ST3GAL3: variants seen among roughly 807,000 people sequenced by gnomAD.
ST3GAL3 encodes CMP-N-acetylneuraminate-beta-1,4-galactoside alpha-2,3-sialyltransferase.
A neutral mutation model predicts 50.1 loss-of-function variants in ST3GAL3; 21 were observed. The observed-to-expected ratio is 0.42, with a 90% CI of 0.30 to 0.60. ST3GAL3 has a LOEUF of 0.60. Among genes scored for constraint, ST3GAL3 ranks in the 20% least tolerant of loss-of-function variants. The pLI is 0.19. For missense variants in ST3GAL3, 353 were observed against 489.4 expected (o/e 0.72, Z 2.63); for synonymous variants, 183 against 190.0 (o/e 0.96, Z 0.30).
At chr1:43,818,085 AGCC>A (rs2061642927) in intron 4 of ST3GAL3, among the ~76,000 whole-genome samples, 2 of 152,060 alleles carry the variant, frequency 1.3e-5, no homozygotes, top group Admixed American at 6.6e-5. Context: ...AAAAATTTTC[AGCC>A]ATTATCTCTT....
In ST3GAL3 at chr1:43,728,250, T is replaced by A. The variant is rs138735191; in HGVS notation, c.-30-7983T>A. On this transcript the variant is annotated intron_variant, in intron 1 of 11. Coordinates refer to ENST00000347631, the MANE Select transcript of ST3GAL3 (RefSeq NM_006279.5). ...CCTGCTTCTTGTTAGTGGAGAATAG[T>A]ATTTCAAAACCAAGATCTACGGAGG... Among the ~76,000 whole-genome samples, 1,022 of 152,246 alleles carry A rather than the reference T, an allele frequency of 6.7e-3. 3 individuals carry two copies. The highest frequency in any genetic ancestry group is 0.011 in the Non-Finnish European group (726 of 68,022).
intron 11 of ST3GAL3, among the ~76,000 whole-genome samples, chr1:43,925,888 G>A (rs1016002543): frequency 3.3e-5 from 5 of 152,226 alleles, no homozygotes; most frequent in Admixed American, 6.5e-5. Flanking sequence ...AGAGGTGGCC[G>A]TCGGATGTAG....
At chr1:43,813,352 C>G (rs1290608119) in intron 3 of ST3GAL3, among the ~76,000 whole-genome samples, 2 of 152,210 alleles carry the variant, frequency 1.3e-5, no homozygotes, top group Non-Finnish European at 2.9e-5. Context: ...AACTTTGACA[C>G]TAACTCTTTG....
intron 5 of ST3GAL3, among the ~76,000 whole-genome samples, chr1:43,883,550 C>T (rs1040778870): frequency 2.0e-5 from 3 of 152,254 alleles, no homozygotes; most frequent in African/African-American, 7.2e-5. Flanking sequence ...TGCTGATGCA[C>T]GCCCTGCCTG....
chr1:43,845,010 C>T (rs2066004931), intron 5 of ST3GAL3, among the ~76,000 whole-genome samples: 1 of 152,060 alleles, frequency 6.6e-6, no homozygotes, highest in African/African-American at 2.4e-5. Flanking sequence ...CTTTTTGAGA[C>T]ATAGTTTCTG....
At chr1:43,755,292 A>G (rs1299488664) in intron 2 of ST3GAL3, among the ~76,000 whole-genome samples, 1 of 152,226 alleles carries the variant, frequency 6.6e-6, no homozygotes, top group Non-Finnish European at 1.5e-5. Context: ...AAAATATTCA[A>G]ATTAAAATAA....
chr1:43,822,391 G>A (rs2062217894), intron 4 of ST3GAL3, among the ~76,000 whole-genome samples: 1 of 152,206 alleles, frequency 6.6e-6, no homozygotes. Flanking sequence ...CCTGTCTGCT[G>A]CCACAGTGTG....
chr1:43,759,212 G>A (rs942147949), intron 2 of ST3GAL3, among the ~76,000 whole-genome samples: 8 of 151,498 alleles, frequency 5.3e-5, no homozygotes, highest in Non-Finnish European at 7.4e-5. Flanking sequence ...TTGGGAGGCC[G>A]AGGCAGGTGG....
rs754634345 is a variant in ST3GAL3, at chr1:43,736,127, C to CT, written c.-30-105dup. On this transcript the variant is annotated intron_variant, in intron 1 of 11. Transcript: ENST00000347631. The stretch of plus-strand genomic sequence containing the variant: ...ATGCCATGATATGAAAGTGATAACT[C>CT]TAAGTTATTCTTCATTTGGAAATTC... 269 of 1,110,958 alleles carry CT rather than the reference C, an allele frequency of 2.4e-4. 2 individuals are homozygous for CT. Among genetic ancestry groups the CT allele is most frequent in the East Asian group, 1.9e-3 (80 of 41,542 alleles). The allele number at this position is 1,110,958 out of a possible 1,614,324, so 68.8% of individuals were successfully genotyped here. A position where few individuals can be genotyped will look rare whatever the true frequency, so the allele number is the denominator to read the frequency against.
At chr1:43,847,123 A>G (rs2066386803) in intron 5 of ST3GAL3, among the ~76,000 whole-genome samples, 1 of 152,258 alleles carries the variant, frequency 6.6e-6, no homozygotes, top group South Asian at 2.1e-4. Context: ...TTAGGATACT[A>G]TGGCTATTAT....
At chr1:43,718,185 C>CTTTTTTTTTT (rs57506461) in intron 1 of ST3GAL3, among the ~76,000 whole-genome samples, 2 of 83,378 alleles carry the variant, frequency 2.4e-5, no homozygotes, top group Non-Finnish European at 4.3e-5. Flanking sequence ...ATCATTAAAT[C>CTTTTTTTTTT]TTTTTTTTTT....
chr1:43,736,030 T>C (rs1678261951), intron 1 of ST3GAL3, among the ~76,000 whole-genome samples: 2 of 152,182 alleles, frequency 1.3e-5, no homozygotes, highest in Admixed American at 1.3e-4. Flanking sequence ...GCAAAGATGA[T>C]TGCTGCTTTC....
chr1:43,854,819 C>A (rs1420330924), intron 5 of ST3GAL3, among the ~76,000 whole-genome samples: 1 of 152,172 alleles, frequency 6.6e-6, no homozygotes, highest in East Asian at 1.9e-4. Context: ...GGGAGTAATT[C>A]TTTTCCCTTC....
chr1:43,861,807 T>A (rs934391492), intron 5 of ST3GAL3, among the ~76,000 whole-genome samples: 6 of 152,298 alleles, frequency 3.9e-5, no homozygotes, highest in Middle Eastern at 6.8e-3. Flanking sequence ...GGCAGGCGGA[T>A]CACCTGAAGT....
chr1:43,822,622 A>C (rs959631858), intron 4 of ST3GAL3, among the ~76,000 whole-genome samples: 2 of 152,180 alleles, frequency 1.3e-5, no homozygotes, highest in Non-Finnish European at 2.9e-5. Flanking sequence ...ACAGCCTGTC[A>C]AGTTCCCTAG....
intron 9 of ST3GAL3, among the ~76,000 whole-genome samples, chr1:43,904,272 C>T (rs1335911346): frequency 6.6e-6 from 1 of 152,060 alleles, no homozygotes; most frequent in East Asian, 1.9e-4. Context: ...TGAATGATGT[C>T]CACCTGCACC....
chr1:43,744,720 A>G (rs934860902), intron 2 of ST3GAL3, among the ~76,000 whole-genome samples: 2 of 150,860 alleles, frequency 1.3e-5, no homozygotes, highest in Non-Finnish European at 3.0e-5. Flanking sequence ...AAAATATAAT[A>G]GCCTGGCGTG....
intron 5 of ST3GAL3, among the ~76,000 whole-genome samples, chr1:43,877,314 AT>A (rs2074301680): frequency 6.6e-6 from 1 of 152,138 alleles, no homozygotes; most frequent in Non-Finnish European, 1.5e-5. Context: ...GATGATGATG[AT>A]TGTGATGTCA....
At chr1:43,723,110 C>A (rs1671256585) in intron 1 of ST3GAL3, among the ~76,000 whole-genome samples, 1 of 151,232 alleles carries the variant, frequency 6.6e-6, no homozygotes, top group South Asian at 2.1e-4. Flanking sequence ...TCTCTCTTCC[C>A]TCCTTTTTTT....
Sources: allele counts gnomAD v4.1 joint callset (sites outside exome capture counted in the v4.1 genomes callset), GRCh38; gene constraint gnomAD v4.1.1; transcripts MANE v1.5; gene names NCBI Gene and HGNC (gene_info 2026-07-23, HGNC 2026-07-21).